KIF26B: variants seen among roughly 807,000 people sequenced by gnomAD.
KIF26B encodes the protein kinesin-like protein KIF26B.
In KIF26B, 63 loss-of-function variants were observed where a neutral mutation model predicts 151.2. That is an observed-to-expected ratio of 0.42 (90% confidence interval 0.34 to 0.51). KIF26B has a LOEUF of 0.51. KIF26B is among the 20% of genes least tolerant of loss of function. KIF26B has a pLI of 0.07. For missense variants in KIF26B, 2,813 were observed against 2,913.6 expected (o/e 0.97, Z 0.79); for synonymous variants, 1,357 against 1,262.1 (o/e 1.08, Z -1.59).
chr1:245,700,355 A>G (rs61831285), intron 14 of KIF26B, among the ~76,000 whole-genome samples: 7,730 of 152,196 alleles, frequency 0.051, 338 homozygotes, highest in African/African-American at 0.11. Context: ...AGAGCTCAGG[A>G]TCTGGTAGTA....
intron 6 of KIF26B, among the ~76,000 whole-genome samples, chr1:245,607,066 C>CAAAAAA (rs35411674): frequency 2.8e-5 from 2 of 72,674 alleles, no homozygotes; most frequent in Non-Finnish European, 5.6e-5. Flanking sequence ...AACTCCGTCT[C>CAAAAAA]AAAAAAAAAA....
chr1:245,418,884 G>A (rs1658390069), intron 3 of KIF26B, among the ~76,000 whole-genome samples: 1 of 152,120 alleles, frequency 6.6e-6, no homozygotes, highest in Admixed American at 6.5e-5. Context: ...TAGGCAAAAT[G>A]GACCGAGCTC....
At chr1:245,164,041 T>C (rs556106799) in intron 2 of KIF26B, among the ~76,000 whole-genome samples, 92 of 152,328 alleles carry the variant, frequency 6.0e-4, no homozygotes, top group African/African-American at 2.0e-3. Flanking sequence ...AGCGATATAG[T>C]GGGCATGTGT....
intron 10 of KIF26B, among the ~76,000 whole-genome samples, chr1:245,677,185 A>G (rs989345546): frequency 1.1e-4 from 16 of 152,228 alleles, no homozygotes; most frequent in Admixed American, 5.9e-4. Context: ...TGGATCACAA[A>G]GGCTGGTCCT....
At chr1:245,309,374 C>T (rs923014389) in intron 2 of KIF26B, among the ~76,000 whole-genome samples, 5 of 152,040 alleles carry the variant, frequency 3.3e-5, no homozygotes, top group African/African-American at 4.8e-5. Flanking sequence ...CTGGCCTTCC[C>T]GTGAGTCAGA....
chr1:245,359,863 T>C (rs1672778022), intron 2 of KIF26B, among the ~76,000 whole-genome samples: 1 of 143,616 alleles, frequency 7.0e-6, no homozygotes, highest in Non-Finnish European at 1.5e-5. Context: ...GATTTCTTTC[T>C]TTCTTTCTTT....
At chr1:245,198,550 C>T (rs565014001) in intron 2 of KIF26B, among the ~76,000 whole-genome samples, 145 of 152,172 alleles carry the variant, frequency 9.5e-4, no homozygotes, top group East Asian at 1.6e-3. Flanking sequence ...GGCAAAACCC[C>T]GTCTCTACTA....
chr1:245,287,690 A>G (rs888380811), intron 2 of KIF26B, among the ~76,000 whole-genome samples: 2 of 151,436 alleles, frequency 1.3e-5, no homozygotes, highest in Non-Finnish European at 2.9e-5. Context: ...TTTATTAGAG[A>G]CGGGATTTCT....
intron 2 of KIF26B, among the ~76,000 whole-genome samples, chr1:245,214,715 C>T (rs867338153): frequency 2.4e-4 from 36 of 152,074 alleles, no homozygotes; most frequent in African/African-American, 6.5e-4. Flanking sequence ...TGGTGCGCAC[C>T]TGTAATCCCA....
intron 2 of KIF26B, among the ~76,000 whole-genome samples, chr1:245,245,533 C>T (rs1670310973): frequency 1.3e-5 from 2 of 152,082 alleles, no homozygotes; most frequent in African/African-American, 4.8e-5. Context: ...GCTCACGCCT[C>T]TAATCTCAGC....
chr1:245,267,636 A>ACACACACG (rs1670771142), intron 2 of KIF26B, among the ~76,000 whole-genome samples: 1 of 17,458 alleles, frequency 5.7e-5, no homozygotes, highest in Admixed American at 7.2e-4. Context: ...TAAGTAATGC[A>ACACACACG]CACACACACA....
chr1:245,174,994 C>G (rs965867433), intron 2 of KIF26B, among the ~76,000 whole-genome samples: 1 of 152,310 alleles, frequency 6.6e-6, no homozygotes, highest in Non-Finnish European at 1.5e-5. Flanking sequence ...GCTTCTCTTG[C>G]AGAGGACTCC....
chr1:245,624,612 A>T (rs1301052010), intron 9 of KIF26B, among the ~76,000 whole-genome samples: 5 of 152,204 alleles, frequency 3.3e-5, no homozygotes, highest in Non-Finnish European at 7.3e-5. Flanking sequence ...AATTGTTTTG[A>T]AAGTTTTTAA....
intron 5 of KIF26B, among the ~76,000 whole-genome samples, chr1:245,586,906 A>C (rs868201135): frequency 6.6e-6 from 1 of 151,604 alleles, no homozygotes; most frequent in African/African-American, 2.4e-5. Context: ...AAAAAAAAAA[A>C]AAACATCAAA....
chr1:245,616,176 C>A (rs2043588626), intron 9 of KIF26B, among the ~76,000 whole-genome samples: 1 of 152,186 alleles, frequency 6.6e-6, no homozygotes, highest in South Asian at 2.1e-4. Flanking sequence ...TTAAACATTT[C>A]CAGTCAAAAT....
rs909869310 is a variant in KIF26B at position 245,170,342 on chromosome 1, T to G, written c.465+13659T>G. ...CATTTCTTGTCAGTCAATACGTCCTTGTTTTGGCTAAGTCTCATGCCCTCA... is the reference window on the plus strand; with the variant it reads ...CATTTCTTGTCAGTCAATACGTCCTGGTTTTGGCTAAGTCTCATGCCCTCA... On this transcript the variant is annotated intron_variant, in intron 2 of 14. Transcript: ENST00000407071. This position sits in a 1 kb window ranked among gnomAD's most constrained non-coding sequence, Gnocchi z 4.4. Among the ~76,000 whole-genome samples, 1 of 152,202 alleles carries G rather than the reference T, an allele frequency of 6.6e-6. No homozygotes were observed. The highest frequency in any genetic ancestry group is 2.4e-5 in the African/African-American group (1 of 41,452).
chr1:245,172,283 G>A lies in KIF26B; in HGVS notation c.465+15600G>A, dbSNP rs564549935. On this transcript the variant is annotated intron_variant, in intron 2 of 14. Transcript: ENST00000407071. ...AGGACACTTGGGGAGCAGCCAGCAT[G>A]GCTCCGGGCTGCTGGAACATTGCAT... Among the ~76,000 whole-genome samples, 12 of 152,276 alleles carry A rather than the reference G, an allele frequency of 7.9e-5. No individual in the cohort carries two copies. The South Asian group carries it at 2.5e-3, about 32-fold the overall frequency.
chr1:245,648,948 C>T (rs762667351), intron 10 of KIF26B, among the ~76,000 whole-genome samples: 3 of 152,192 alleles, frequency 2.0e-5, no homozygotes, highest in Non-Finnish European at 4.4e-5. Context: ...GGTACAGACT[C>T]ACCAGCTGCC....
Position 245,155,319 on chromosome 1 carries a change from G to A in KIF26B, c.-106G>A. On this transcript the variant is annotated 5_prime_UTR_variant, in exon 1 of 15. Transcript: ENST00000407071. The stretch of plus-strand genomic sequence containing the variant: ...CACCGCTGAAGAAACCTTGCCCTGA[G>A]GGCTGAGAGCCAGCCCCCTGCAGCC... The A allele has an allele frequency of 1.1e-6, 1 of 893,718 alleles. No homozygotes were observed. Among genetic ancestry groups the A allele is most frequent in the Admixed American group, 2.3e-5 (1 of 43,422 alleles). The allele number at this position is 893,718 out of a possible 1,614,324, so 55.4% of individuals were successfully genotyped here. A position where few individuals can be genotyped will look rare whatever the true frequency, so the allele number is the denominator to read the frequency against.
Sources: allele counts gnomAD v4.1 joint callset (sites outside exome capture counted in the v4.1 genomes callset), GRCh38; gene constraint gnomAD v4.1.1; non-coding constraint Gnocchi (gnomAD v3.1); transcripts MANE v1.5; gene names NCBI Gene and HGNC (gene_info 2026-07-23, HGNC 2026-07-21).